ZNF564: variants seen among roughly 807,000 people sequenced by gnomAD.
The protein encoded by ZNF564 is zinc finger protein 564.
In ZNF564, 5 loss-of-function variants were observed where a neutral mutation model predicts 10.5. The observed-to-expected ratio is 0.48, with a 90% CI of 0.25 to 1.00. The LOEUF is 1.00. Ranked by LOEUF, ZNF564 falls within the 50% of genes least tolerant of loss-of-function variation. The probability of loss-of-function intolerance (pLI) is 0.16; values close to 1 mark genes in which losing one functional copy is unlikely to be tolerated. For missense variants in ZNF564, 603 were observed against 669.7 expected (o/e 0.90, Z 1.10); for synonymous variants, 242 against 218.1 (o/e 1.11, Z -0.97).
At chr19:12,535,536 G>C (rs1245507074) in intron 1 of ZNF564, among the ~76,000 whole-genome samples, 1 of 152,134 alleles carries the variant, frequency 6.6e-6, no homozygotes, top group Non-Finnish European at 1.5e-5. Context: ...GCAGATGAAT[G>C]AATGTGTAAA....
intron 1 of ZNF564, among the ~76,000 whole-genome samples, chr19:12,547,915 A>G (rs570784321): frequency 1.0e-3 from 154 of 150,986 alleles, no homozygotes; most frequent in African/African-American, 3.6e-3. Context: ...GGGTTCAAGC[A>G]ATTCTCCTGC....
chr19:12,543,026 C>G (rs1367205786), intron 1 of ZNF564, among the ~76,000 whole-genome samples: 1 of 151,888 alleles, frequency 6.6e-6, no homozygotes, highest in Admixed American at 6.6e-5. Flanking sequence ...AGGGGCCGGG[C>G]GCGGTGGCTC....
At position 12,540,282 on chromosome 19, in the gene ZNF564, A is replaced by G. The variant is rs139820894; in HGVS notation, c.3+11048T>C. 6.1e-4 allele frequency among the ~76,000 whole-genome samples: 93 copies of G among 152,276 alleles called. 1 individual carries two copies. Among genetic ancestry groups the G allele is most frequent in the African/African-American group, 2.0e-3 (84 of 41,564 alleles). On this transcript the variant is annotated intron_variant, in intron 1 of 3. Coordinates refer to ENST00000339282, the MANE Select transcript of ZNF564 (RefSeq NM_144976.4). ...TCATGAGACTGACATTCCCTTTACAATGTTTCAGTTGACTGTGCAACTGTT... is the reference window on the plus strand; with the variant it reads ...TCATGAGACTGACATTCCCTTTACAGTGTTTCAGTTGACTGTGCAACTGTT...
intron 1 of ZNF564, chr19:12,548,871 G>C (rs1226926729): frequency 1.4e-6 from 1 of 702,672 alleles, no homozygotes; most frequent in African/African-American, 1.7e-5. Flanking sequence ...CCCTGCAAAG[G>C]AGAAGATATT....
rs2021670932 is a variant in ZNF564, at chr19:12,525,869, A to G, written c.*577T>C. On this transcript the variant is annotated 3_prime_UTR_variant, in exon 4 of 4. Transcript: ENST00000339282. Reference sequence around the variant, plus strand: ...CTGCACCCTCTCATGGTGAAGGGCAAAGCTAGCTCTCTAGGGATTCCTATC... The same window carrying G: ...CTGCACCCTCTCATGGTGAAGGGCAGAGCTAGCTCTCTAGGGATTCCTATC... 1.3e-5 allele frequency: 2 copies of G among 152,674 alleles called. No homozygotes were observed. The highest frequency in any genetic ancestry group is 4.8e-5 in the African/African-American group (2 of 41,416). 9.5% of individuals were successfully genotyped at this position (152,674 alleles called of 1,614,324 possible).
intron 1 of ZNF564, among the ~76,000 whole-genome samples, chr19:12,539,227 C>T (rs964744645): frequency 1.6e-5 from 2 of 124,650 alleles, no homozygotes; most frequent in African/African-American, 6.6e-5. Context: ...GGTGACAGAA[C>T]GAGACTCCAT....
chr19:12,540,631 G>A (rs1414990900), intron 1 of ZNF564, among the ~76,000 whole-genome samples: 1 of 152,122 alleles, frequency 6.6e-6, no homozygotes, highest in Admixed American at 6.6e-5. Flanking sequence ...AAGGCGGGCA[G>A]ATCACAAAGT....
chr19:12,542,715 A>G (rs144874328), intron 1 of ZNF564, among the ~76,000 whole-genome samples: 242 of 152,098 alleles, frequency 1.6e-3, no homozygotes, highest in African/African-American at 5.6e-3. Flanking sequence ...GAAGGAAAAG[A>G]AAAAAGGGCC....
intron 1 of ZNF564, among the ~76,000 whole-genome samples, chr19:12,536,179 T>C (rs1019752190): frequency 7.2e-5 from 11 of 152,078 alleles, no homozygotes; most frequent in African/African-American, 2.7e-4. Context: ...CACTGAACCA[T>C]GTTTTTTCTT....
chr19:12,532,229 A>G (rs1006053363), intron 1 of ZNF564, among the ~76,000 whole-genome samples: 1 of 151,896 alleles, frequency 6.6e-6, no homozygotes, highest in Non-Finnish European at 1.5e-5. Flanking sequence ...CTCTATAAAA[A>G]AAATTTAAAA....
intron 1 of ZNF564, among the ~76,000 whole-genome samples, chr19:12,537,174 T>C (rs2145078553): frequency 6.6e-6 from 1 of 152,224 alleles, no homozygotes; most frequent in East Asian, 1.9e-4. Flanking sequence ...TTCCACTGGA[T>C]GGATATTACA....
In ZNF564 at chr19:12,543,328, G is replaced by T. The variant is rs10416826; in HGVS notation, c.3+8002C>A. On this transcript the variant is annotated intron_variant, in intron 1 of 3. Transcript: ENST00000339282. ...GAAAAAAAAAAAAAAGAGAGAAGGG[G>T]AGGGGAGGGGAAGGGGAAGGGGAAG... Among the ~76,000 whole-genome samples the T allele has an allele frequency of 5.0e-3, 730 of 145,770 alleles. 5 individuals carry two copies. Among genetic ancestry groups the T allele is most frequent in the African/African-American group, 0.018 (706 of 39,688 alleles).
intron 1 of ZNF564, among the ~76,000 whole-genome samples, chr19:12,545,340 G>C (rs1003051913): frequency 6.6e-5 from 10 of 151,498 alleles, no homozygotes; most frequent in Admixed American, 5.9e-4. Context: ...CTCTCCTCAT[G>C]ATGTGATTCA....
At chr19:12,536,144 G>A (rs1292590739) in intron 1 of ZNF564, among the ~76,000 whole-genome samples, 1 of 151,828 alleles carries the variant, frequency 6.6e-6, no homozygotes, top group Non-Finnish European at 1.5e-5. Flanking sequence ...AAAATGAAGA[G>A]ACTCATGACT....
At chr19:12,543,860 C>T (rs2022105355) in intron 1 of ZNF564, among the ~76,000 whole-genome samples, 2 of 152,010 alleles carry the variant, frequency 1.3e-5, no homozygotes, top group Admixed American at 6.6e-5. Context: ...GGGAGGTAAT[C>T]GGGGTTAGAG....
At chr19:12,546,585 G>A (rs1008027046) in intron 1 of ZNF564, among the ~76,000 whole-genome samples, 1 of 152,022 alleles carries the variant, frequency 6.6e-6, no homozygotes, top group African/African-American at 2.4e-5. Context: ...AAAAAAATTA[G>A]CCAGGAATGG....
Position 12,527,414 on chromosome 19 carries a change from T to C in ZNF564, c.694A>G (p.Lys232Glu), listed in dbSNP as rs889396016. 3.1e-6 allele frequency: 5 copies of C among 1,614,174 alleles called. No homozygotes were observed. The highest frequency in any genetic ancestry group is 2.5e-6 in the Non-Finnish European group (3 of 1,180,014). Residue 232 changes from lysine to glutamate, a missense_variant, in exon 4 of 4, where the codon AAA becomes GAA. Transcript: ENST00000339282. ...EKPYECQECA[K>E]AFISLPSFQR... ...AAACTTGGAAGAGAAATGAAAGCTT[T>C]TGCACATTCCTGACATTCATAGGGT...
At position 12,525,657 on chromosome 19, in the gene ZNF564, A is replaced by T. The variant is rs1461267913; in HGVS notation, c.*789T>A. ...AATGTCTATTCAAGTCCTTTCCTCC[A>T]TTTTAAAATTGGATTGTGTCTTAGC... On this transcript the variant is annotated 3_prime_UTR_variant, in exon 4 of 4. Transcript: ENST00000339282. The T allele has an allele frequency of 1.3e-5, 2 of 152,206 alleles. No individual in the cohort carries two copies. Among genetic ancestry groups the T allele is most frequent in the African/African-American group, 4.8e-5 (2 of 41,458 alleles). The allele number at this position is 152,206 out of a possible 1,614,324, so 9.4% of individuals were successfully genotyped here.
In ZNF564 at chr19:12,526,792, T is replaced by C. The variant is rs773597177; in HGVS notation, c.1316A>G (p.His439Arg). The C allele has an allele frequency of 3.1e-6, 5 of 1,614,206 alleles. No individual in the cohort carries two copies. Among genetic ancestry groups the C allele is most frequent in the Non-Finnish European group, 4.2e-6 (5 of 1,180,040 alleles). The change falls in exon 4 of 4, where the codon CAT (histidine) becomes CGT (arginine). Residue 439 changes from histidine (H) to arginine (R), a missense_variant. Coordinates refer to ENST00000339282, the MANE Select transcript of ZNF564 (RefSeq NM_144976.4). The part of the protein sequence containing the change: ...AFISLKRIRK[H>R]MILHTGDGPY... ...TCCATCTCCAGTGTGCAGTATCATA[T>C]GTTTTCTAATCCTTTTAAGAGAAAT...
Sources: allele counts gnomAD v4.1 joint callset (sites outside exome capture counted in the v4.1 genomes callset), GRCh38; gene constraint gnomAD v4.1.1; transcripts MANE v1.5; gene names NCBI Gene and HGNC (gene_info 2026-07-23, HGNC 2026-07-21).